The following NAALADL2 variants were observed in gnomAD, a reference collection of about 807,000 sequenced individuals.
NAALADL2 encodes the protein inactive N-acetylated-alpha-linked acidic dipeptidase-like protein 2.
A neutral mutation model predicts 87.2 loss-of-function variants in NAALADL2; 76 were observed. That is an observed-to-expected ratio of 0.87 (90% CI 0.72 to 1.05). The LOEUF (loss-of-function observed/expected upper bound fraction) is 1.05. NAALADL2 is among the 50% of genes least tolerant of loss of function. The probability of loss-of-function intolerance (pLI) is 0.00; values close to 1 mark genes in which losing one functional copy is unlikely to be tolerated. For synonymous variants in NAALADL2, 354 were observed against 331.0 expected, an observed-to-expected ratio of 1.07 and a Z score of -0.75; for missense variants, 1,089 against 945.8, an observed-to-expected ratio of 1.15 and a Z score of -1.99.
intron 1 of NAALADL2, among the ~76,000 whole-genome samples, chr3:174,937,507 T>C (rs911374257): frequency 6.6e-6 from 1 of 152,048 alleles, no homozygotes; most frequent in African/African-American, 2.4e-5. Flanking sequence ...AATTTTGTTA[T>C]AGAAGGAAAT....
At chr3:174,625,057 CTTTTT>C (rs1553802468) in intron 2 of NAALADL2, among the ~76,000 whole-genome samples, 3,150 of 78,970 alleles carry the variant, frequency 0.04, 177 homozygotes, top group African/African-American at 0.15. Context: ...CTCTCTCTCT[CTTTTT>C]TTTTTTTTTT....
chr3:175,221,332 T>C (rs763576626), intron 2 of NAALADL2, among the ~76,000 whole-genome samples: 3 of 152,206 alleles, frequency 2.0e-5, no homozygotes, highest in Non-Finnish European at 4.4e-5. Context: ...CTTAATTCCA[T>C]TGAGTTCATG....
At chr3:175,748,478 A>G (rs570760316) in intron 12 of NAALADL2, among the ~76,000 whole-genome samples, 29 of 152,206 alleles carry the variant, frequency 1.9e-4, no homozygotes, top group Non-Finnish European at 3.7e-4. Flanking sequence ...CAGAACATAA[A>G]TCATACTTTT....
chr3:175,549,302 TCTAA>T (rs1208254192), intron 9 of NAALADL2, among the ~76,000 whole-genome samples: 3 of 152,040 alleles, frequency 2.0e-5, no homozygotes, highest in Non-Finnish European at 2.9e-5. Flanking sequence ...TGTTTAGACA[TCTAA>T]CTGTCATGTT....
At position 174,860,154 on chromosome 3, in the gene NAALADL2, G is replaced by A. The variant is rs560363049; in HGVS notation, c.43+704G>A. On this transcript the variant is annotated intron_variant, in intron 1 of 13. Coordinates refer to ENST00000454872, the MANE Select transcript of NAALADL2 (RefSeq NM_207015.3). ...AAAGAAGAAAAAGAAAGTAGATATT[G>A]GGCCTAATCAATATTTGTTATAGAC... is the stretch of plus-strand genomic sequence containing the variant. Among the ~76,000 whole-genome samples, 16 of 152,104 alleles carry A rather than the reference G, an allele frequency of 1.1e-4. No individual in the cohort carries two copies. The East Asian group carries it at 1.7e-3, about 17-fold the overall frequency.
At chr3:175,460,321 T>C (rs1027945976) in intron 6 of NAALADL2, 3 of 395,902 alleles carry the variant, frequency 7.6e-6, no homozygotes, top group African/African-American at 6.3e-5. Context: ...TATAAAACAA[T>C]ATGCATCAGG....
chr3:174,939,285 T>C (rs1194560092), intron 1 of NAALADL2, among the ~76,000 whole-genome samples: 1 of 152,082 alleles, frequency 6.6e-6, no homozygotes, highest in Non-Finnish European at 1.5e-5. Flanking sequence ...ATGGCTTGGT[T>C]TTATCAGCTT....
chr3:175,781,635 G>C (rs918363824), intron 13 of NAALADL2, among the ~76,000 whole-genome samples: 1 of 133,430 alleles, frequency 7.5e-6, no homozygotes, highest in Non-Finnish European at 1.6e-5. Context: ...TAATGTGTTT[G>C]TTTGTATTTT....
intron 2 of NAALADL2, among the ~76,000 whole-genome samples, chr3:175,222,817 A>G (rs1046791650): frequency 1.3e-5 from 2 of 152,186 alleles, no homozygotes; most frequent in African/African-American, 4.8e-5. Context: ...CATTTTATGA[A>G]AAAATATTTT....
intron 3 of NAALADL2, among the ~76,000 whole-genome samples, chr3:174,829,812 C>G (rs1338020799): frequency 1.4e-5 from 2 of 139,132 alleles, no homozygotes; most frequent in Non-Finnish European, 3.2e-5. Flanking sequence ...GCCATTCTAA[C>G]TGGTGTGAGA....
chr3:175,075,924 T>C (rs1045638789), intron 1 of NAALADL2, among the ~76,000 whole-genome samples: 4 of 152,136 alleles, frequency 2.6e-5, no homozygotes, highest in Admixed American at 2.6e-4. Flanking sequence ...CACTACTGTG[T>C]ATAAAATAAT....
Position 175,097,032 on chromosome 3 carries a change from A to G in NAALADL2, c.286A>G (p.Arg96Gly). 6.2e-7 allele frequency: 1 copy of G among 1,613,726 alleles called. No individual in the cohort carries two copies. ...TCAACCAGCAACTTCACCCAAAGGA[A>G]GGTTCCAGAGACTTCAAGAAGAATC... ...SIQPATSPKG[R>G]FQRLQEESDY... is the part of the protein sequence containing the mutation. The change falls in exon 2 of 14, where the codon AGG becomes GGG. Residue 96 changes from arginine to glycine, a missense_variant. By Grantham distance (125) the Arg-to-Gly change is moderately radical. Transcript: ENST00000454872.
intron 1 of NAALADL2, among the ~76,000 whole-genome samples, chr3:175,026,032 A>T (rs554776194): frequency 6.6e-6 from 1 of 152,148 alleles, no homozygotes; most frequent in East Asian, 1.9e-4. Flanking sequence ...GCTAGTCTCA[A>T]ATTCCTGGGC....
intron 9 of NAALADL2, among the ~76,000 whole-genome samples, chr3:175,499,304 AACCAATGAGATTTC>A (rs1055182570): frequency 6.6e-6 from 1 of 152,156 alleles, no homozygotes; most frequent in Non-Finnish European, 1.5e-5. Flanking sequence ...ATTTGCATAT[AACCAATGAGATTTC>A]ACCAAACATT....
chr3:175,235,476 A>G (rs1309820022), intron 3 of NAALADL2: 1 of 152,232 alleles, frequency 6.6e-6, no homozygotes, highest in Non-Finnish European at 1.5e-5. Context: ...GATTAATATT[A>G]TGCTCTTTCT....
chr3:175,311,145 C>G lies in NAALADL2; in HGVS notation c.940-13030C>G, dbSNP rs148058943. On this transcript the variant is annotated intron_variant, in intron 4 of 13. Transcript: ENST00000454872. Reference sequence around the variant, plus strand: ...CACTGTGTTTTCAGTTCCTCGGATACTTCTTTCTGAAAATAAAAGAAATGA... The same window carrying G: ...CACTGTGTTTTCAGTTCCTCGGATAGTTCTTTCTGAAAATAAAAGAAATGA... 1.3e-4 allele frequency among the ~76,000 whole-genome samples: 20 copies of G among 151,810 alleles called. No individual in the cohort carries two copies. In the East Asian group the frequency reaches 3.9e-3, roughly 29 times the overall value.
At chr3:175,660,007 C>T (rs1229327219) in intron 11 of NAALADL2, among the ~76,000 whole-genome samples, 1 of 152,092 alleles carries the variant, frequency 6.6e-6, no homozygotes, top group Non-Finnish European at 1.5e-5. Flanking sequence ...ATTAAGGCAT[C>T]AGCAGATTTG....
At chr3:174,882,637 ACATATGTG>A (rs1255380508) in intron 1 of NAALADL2, among the ~76,000 whole-genome samples, 17 of 78,260 alleles carry the variant, frequency 2.2e-4, no homozygotes, top group African/African-American at 9.8e-4. Flanking sequence ...GTGCATATAC[ACATATGTG>A]CATATACACA....
At chr3:174,480,402 T>C (rs936302521) in intron 1 of NAALADL2, among the ~76,000 whole-genome samples, 4 of 152,074 alleles carry the variant, frequency 2.6e-5, no homozygotes, top group African/African-American at 9.7e-5. Context: ...TCTTTTTCAC[T>C]CTTGGAATGG....
Sources: allele counts gnomAD v4.1 joint callset (sites outside exome capture counted in the v4.1 genomes callset), GRCh38; gene constraint gnomAD v4.1.1; transcripts MANE v1.5; gene names NCBI Gene and HGNC (gene_info 2026-07-23, HGNC 2026-07-21).